ATM: variants seen among roughly 807,000 people sequenced by gnomAD.
The protein encoded by ATM is ATM serine/threonine kinase, also known as serine-protein kinase ATM.
Under a neutral mutation model 387.0 loss-of-function variants are expected in ATM, and 308 were observed. The ratio of observed to expected loss-of-function variants is 0.80; its 90% CI spans 0.73 to 0.87. The LOEUF is 0.87. ATM is among the 40% of genes least tolerant of loss of function. The pLI is 0.00. For missense variants in ATM, 3,312 were observed against 3,560.9 expected, an observed-to-expected ratio of 0.93 and a Z score of 1.78; for synonymous variants, 1,156 against 1,187.3, an observed-to-expected ratio of 0.97 and a Z score of 0.54.
At chr11:108,303,094 G>C (rs2135932578) in intron 36 of ATM, 65 bp downstream of exon 36, 1 of 1,401,598 alleles carries the variant, frequency 7.1e-7, no homozygotes, top group African/African-American at 1.4e-5. Flanking sequence ...AGAGTGCTGT[G>C]ATACTGCACA....
At chr11:108,283,795 C>T (rs1433720987) in intron 25 of ATM, among the ~76,000 whole-genome samples, 1 of 152,140 alleles carries the variant, frequency 6.6e-6, no homozygotes, top group East Asian at 1.9e-4. Flanking sequence ...CTTTCACATC[C>T]TGTGAATACT....
chr11:108,357,329 GT>G (rs1408952723), intron 61 of ATM, among the ~76,000 whole-genome samples: 1 of 152,234 alleles, frequency 6.6e-6, no homozygotes, highest in Non-Finnish European at 1.5e-5. Flanking sequence ...TAGCACAGCA[GT>G]CTGAGATCAA....
chr11:108,331,596 T>C (rs753851045), intron 51 of ATM, 39 bp downstream of exon 51: 4 of 1,513,186 alleles, frequency 2.6e-6, no homozygotes, highest in Non-Finnish European at 3.6e-6. Flanking sequence ...TAATTATTTT[T>C]ATTCTATTAT....
At chr11:108,231,987 A>G (rs765801490) in intron 4 of ATM, among the ~76,000 whole-genome samples, 3 of 152,230 alleles carry the variant, frequency 2.0e-5, no homozygotes, top group Non-Finnish European at 4.4e-5. Flanking sequence ...TTATTTGCTA[A>G]TAATGCTGGG....
intron 35 of ATM, 30 bp from the exon 36 acceptor site, chr11:108,302,823 A>G: frequency 1.3e-6 from 2 of 1,575,978 alleles, no homozygotes; most frequent in Non-Finnish European, 1.7e-6. Flanking sequence ...CACTTCTCTT[A>G]TTTACATTTT....
chr11:108,358,132 G>A (rs1174993866), intron 61 of ATM, among the ~76,000 whole-genome samples: 3 of 151,596 alleles, frequency 2.0e-5, no homozygotes, highest in South Asian at 2.1e-4. Flanking sequence ...CAAGGCTCGA[G>A]AACTATGTGA....
chr11:108,255,744 C>T (rs866588596), intron 13 of ATM, among the ~76,000 whole-genome samples: 15 of 152,070 alleles, frequency 9.9e-5, no homozygotes, highest in African/African-American at 3.6e-4. Flanking sequence ...AAACTTGTAT[C>T]TACTAGAAAA....
intron 61 of ATM, among the ~76,000 whole-genome samples, chr11:108,359,590 A>G (rs2090460470): frequency 1.3e-5 from 2 of 152,314 alleles, no homozygotes; most frequent in African/African-American, 4.8e-5. Context: ...GATTATAACA[A>G]ACTATCTCTC....
At chr11:108,244,679 A>T (rs1005888117) in intron 6 of ATM, 109 bp from the exon 7 acceptor site, 4 of 896,654 alleles carry the variant, frequency 4.5e-6, no homozygotes, top group Non-Finnish European at 7.3e-6. Flanking sequence ...TACTGTTTGA[A>T]AATTAGGGTT....
chr11:108,329,256 A>G lies in ATM; in HGVS notation c.7307+18A>G, dbSNP rs777909508. 3 of 1,593,942 alleles carry G rather than the reference A, an allele frequency of 1.9e-6. No individual in the cohort carries two copies. The highest frequency in any genetic ancestry group is 1.3e-5 in the African/African-American group (1 of 74,246). Reference sequence around the variant, plus strand: ...ACAAACAGGTAACTAGGTTTCTACAAGTGACAATTTTATGTTCACCAGTTA... The same window carrying G: ...ACAAACAGGTAACTAGGTTTCTACAGGTGACAATTTTATGTTCACCAGTTA... On this transcript the variant is annotated intron_variant, in intron 49 of 62. Coordinates refer to ENST00000675843, the MANE Select transcript of ATM (RefSeq NM_000051.4).
In ATM at chr11:108,282,813, C is replaced by T. The variant is rs1229454563; in HGVS notation, c.3680C>T (p.Thr1227Ile). Residue 1227 changes from threonine to isoleucine, a missense_variant, in exon 25 of 63, where the codon ACT becomes ATT. By Grantham distance (89) the Thr-to-Ile change is moderately conservative (BLOSUM62 -1). Transcript: ENST00000675843. ...TTGGAATGGCTAAATCTTCAAGATA[C>T]TGAATACAACTTATCTTCTTTTCCT... The part of the protein sequence containing the change: ...LVLEWLNLQD[T>I]EYNLSSFPFI... 6.4e-7 allele frequency: 1 copy of T among 1,553,728 alleles called. No individual in the cohort carries two copies. Among genetic ancestry groups the T allele is most frequent in the Non-Finnish European group, 8.9e-7 (1 of 1,126,590 alleles).
intron 32 of ATM, 38 bp from the exon 33 acceptor site, chr11:108,297,249 A>G: frequency 1.3e-6 from 2 of 1,517,218 alleles, no homozygotes. Flanking sequence ...TGTTGTCTTC[A>G]TGCTAGTTTA....
intron 59 of ATM, among the ~76,000 whole-genome samples, chr11:108,352,605 C>T (rs138774218): frequency 6.6e-6 from 1 of 152,152 alleles, no homozygotes; most frequent in Non-Finnish European, 1.5e-5. Context: ...TGGCCATGTA[C>T]TACAAATGTG....
chr11:108,273,174 A>G (rs1168494042), intron 22 of ATM, among the ~76,000 whole-genome samples: 1 of 151,886 alleles, frequency 6.6e-6, no homozygotes, highest in Non-Finnish European at 1.5e-5. Context: ...AATTACTGTG[A>G]TTTTATGTGA....
At chr11:108,279,794 G>A (rs1420063524) in intron 23 of ATM, among the ~76,000 whole-genome samples, 186 bp downstream of exon 23, 1 of 152,142 alleles carries the variant, frequency 6.6e-6, no homozygotes, top group Non-Finnish European at 1.5e-5. Context: ...TCAAATCATA[G>A]CAATTTCTTT....
chr11:108,227,834 A>G lies in ATM; in HGVS notation c.131A>G (p.Asp44Gly), dbSNP rs150143957. 61 of 1,613,612 alleles carry G rather than the reference A, an allele frequency of 3.8e-5. No individual in the cohort carries two copies. The African/African-American group carries it at 7.3e-4, about 19-fold the overall frequency. The change falls in exon 3 of 63, where the codon GAT (aspartate) becomes GGT (glycine). Residue 44 changes from aspartate (D) to glycine (G), a missense_variant. By Grantham distance (94) the Asp-to-Gly change is moderately conservative. This residue lies in a region of ATM where 1,791 missense variants were observed against 1,804.5 expected (regional missense o/e 0.99). Coordinates refer to ENST00000675843, the MANE Select transcript of ATM (RefSeq NM_000051.4). Reference sequence around the variant, plus strand: ...GATCCTGAAACAATTAAACATCTAGATCGGCATTCAGATTCCAAACAAGGA... The same window carrying G: ...GATCCTGAAACAATTAAACATCTAGGTCGGCATTCAGATTCCAAACAAGGA... ...IRDPETIKHLDRHSDSKQGKY... is the reference protein window; with the variant it reads ...IRDPETIKHLGRHSDSKQGKY...
chr11:108,250,739 C>A lies in ATM; in HGVS notation c.1274C>A (p.Ala425Glu), dbSNP rs1301649540. The change falls in exon 10 of 63, where the codon GCA (alanine) becomes GAA (glutamate). Residue 425 changes from alanine (A) to glutamate (E), a missense_variant. Physicochemically the swap from Ala to Glu is moderately radical, Grantham distance 107. Coordinates refer to ENST00000675843, the MANE Select transcript of ATM (RefSeq NM_000051.4). ...IATQLISKYP[A>E]SLPNCELSPL... The stretch of plus-strand genomic sequence containing the variant: ...ACCCAATTAATATCAAAGTATCCTG[C>A]AAGTTTACCTAACTGTGAGCTGTCT... 1.2e-6 allele frequency: 2 copies of A among 1,608,670 alleles called. No individual in the cohort carries two copies. The highest frequency in any genetic ancestry group is 2.2e-5 in the East Asian group (1 of 44,782).
rs2086540615 is a variant in ATM, at chr11:108,333,868, C to T, written c.7928-18C>T. The stretch of plus-strand genomic sequence containing the variant: ...GTTCCTCAGTTTGTCACTAAAATCT[C>T]TTCATTTTTAAATACAGAAGGCATA... On this transcript the variant is annotated intron_variant, in intron 53 of 62. Coordinates refer to ENST00000675843, the MANE Select transcript of ATM (RefSeq NM_000051.4). 4 of 1,575,742 alleles carry T rather than the reference C, an allele frequency of 2.5e-6. No homozygotes were observed. Among genetic ancestry groups the T allele is most frequent in the African/African-American group, 1.3e-5 (1 of 74,146 alleles).
rs2082634120 is a variant in ATM, at chr11:108,288,928, A to C, written c.4110-49A>C. The C allele has an allele frequency of 1.9e-6, 3 of 1,612,176 alleles. No homozygotes were observed. In the East Asian group the frequency reaches 6.7e-5, roughly 36 times the overall value. ...ATTTTGGAAGTTCACTGGTCTATGA[A>C]CAAAACTTTTTAAAACGATGACTGT... On this transcript the variant is annotated intron_variant, in intron 27 of 62. Coordinates refer to ENST00000675843, the MANE Select transcript of ATM (RefSeq NM_000051.4).
Sources: gnomAD v4.1 joint callset for allele counts (sites outside exome capture counted in the v4.1 genomes callset) on GRCh38, gnomAD v4.1.1 for gene constraint, gnomAD v4.1.1 regional missense constraint, MANE v1.5 for transcripts, NCBI Gene and HGNC (gene_info 2026-07-23, HGNC 2026-07-21) for gene names.